Variants in LSR observed in about 807,000 individuals in gnomAD.
LSR encodes the protein lipolysis-stimulated lipoprotein receptor.
Under a neutral mutation model 61.8 loss-of-function variants are expected in LSR, and 44 were observed. The ratio of observed to expected loss-of-function variants is 0.71; its 90% confidence interval spans 0.56 to 0.91. LSR has a LOEUF of 0.91. Among genes scored for constraint, LSR ranks in the 40% least tolerant of loss-of-function variants. The pLI, the probability that LSR is intolerant of heterozygous loss-of-function variation, is 0.00. For missense variants in LSR, 911 were observed against 830.5 expected (o/e 1.10, Z -1.19); for synonymous variants, 397 against 350.6 (o/e 1.13, Z -1.48).
In LSR at chr19:35,266,492, C is replaced by A; in HGVS notation, c.912C>A (p.Tyr304Ter). Residue 304 changes from tyrosine (Y) to a stop codon, truncating the protein, a stop_gained, in exon 6 of 10, where the codon TAC becomes TAA. Transcript: ENST00000605618. LOFTEE classifies it high-confidence loss of function. The stretch of plus-strand genomic sequence containing the variant: ...CCATGGGCCCTGCCTACAACGGGTA[C>A]CCTGGAGGATACCCTGGAGACGTTG... ...MIPMGPAYNG[Y>*]PGGYPGDVDR... The A allele has an allele frequency of 6.2e-7, 1 of 1,611,484 alleles. No homozygotes were observed. Among genetic ancestry groups the A allele is most frequent in the Non-Finnish European group, 8.5e-7 (1 of 1,178,506 alleles).
chr19:35,262,577 T>G lies in LSR; in HGVS notation c.663T>G (p.Ala221=), dbSNP rs933842298. 4 of 1,614,242 alleles carry G rather than the reference T, an allele frequency of 2.5e-6. No homozygotes were observed. The highest frequency in any genetic ancestry group is 3.3e-5 in the Admixed American group (2 of 60,032). The change falls in exon 5 of 10, where the codon GCT becomes GCG. Residue 221 remains alanine (A), a synonymous_variant. Coordinates refer to ENST00000605618, the MANE Select transcript of LSR (RefSeq NM_205834.4). The part of the protein sequence containing the change: ...DWLFVVVVCL[A]AFLIFLLLGI... ...TCTTCGTGGTTGTGGTATGCCTGGC[T>G]GCCTTCCTCATCTTCCTCCTCCTGG...
intron 5 of LSR, 147 bp downstream of exon 5, chr19:35,262,839 C>T: frequency 1.1e-6 from 1 of 886,802 alleles, no homozygotes. Context: ...TGAGGAGGGT[C>T]TGCTGTTTAG....
At chr19:35,250,795 C>A in intron 2 of LSR, 136 bp downstream of exon 2, 7 of 419,752 alleles carry the variant, frequency 1.7e-5, no homozygotes, top group Non-Finnish European at 2.8e-5. Context: ...GGGAGCAATT[C>A]TTTTTTTTTT....
intron 5 of LSR, 135 bp downstream of exon 5, chr19:35,262,827 G>A (rs2065948249): frequency 1.0e-6 from 1 of 1,002,318 alleles, no homozygotes; most frequent in Non-Finnish European, 1.4e-6. Context: ...GAGAAAGTAG[G>A]CTGAGGAGGG....
At chr19:35,254,108 CTGT>C (rs911756052) in intron 2 of LSR, among the ~76,000 whole-genome samples, 29 of 152,268 alleles carry the variant, frequency 1.9e-4, no homozygotes, top group African/African-American at 4.1e-4. Context: ...TGGGGTTTTT[CTGT>C]TGTTGTTGTT....
At position 35,267,680 on chromosome 19, in the gene LSR, G is replaced by A. The variant is rs150280810; in HGVS notation, c.1716G>A (p.Pro572=). 4.7e-5 allele frequency: 75 copies of A among 1,603,992 alleles called. No homozygotes were observed. The highest frequency in any genetic ancestry group is 8.1e-5 in the African/African-American group (6 of 74,276). The change falls in exon 9 of 10, where the codon CCG becomes CCA. Residue 572 remains proline (P), a synonymous_variant. Coordinates refer to ENST00000605618, the MANE Select transcript of LSR (RefSeq NM_205834.4). The part of the protein sequence containing the change: ...EEEEAYYPPA[P]PPYSETDSQA... The stretch of plus-strand genomic sequence containing the variant: ...AAGAGGCCTACTACCCGCCCGCGCC[G>A]CCCCCGTACTCGGAGACCGACTCGC...
intron 5 of LSR, chr19:35,263,111 TC>T (rs2065952199): frequency 6.3e-6 from 1 of 158,070 alleles, no homozygotes; most frequent in Admixed American, 6.3e-5. Context: ...AAAACCCAGT[TC>T]TCTACTAAAA....
At chr19:35,262,855 C>A in intron 5 of LSR, 163 bp downstream of exon 5, 1 of 711,198 alleles carries the variant, frequency 1.4e-6, no homozygotes, top group Non-Finnish European at 2.2e-6. Flanking sequence ...TTTAGATTGT[C>A]GTTTACTTCC....
Position 35,266,888 on chromosome 19 carries a change from G to A in LSR, c.1065G>A (p.Arg355=), listed in dbSNP as rs35205867. 56 of 1,613,270 alleles carry A rather than the reference G, an allele frequency of 3.5e-5. No homozygotes were observed. Among genetic ancestry groups the A allele is most frequent in the Non-Finnish European group, 4.7e-5 (55 of 1,179,748 alleles). Residue 355 remains arginine (R), a synonymous_variant, in exon 8 of 10, where the codon CGG becomes CGA. Transcript: ENST00000605618. ...IQASQQDDSM[R]VLYYMEKELA... is the part of the protein sequence containing the mutation. ...CCAGCCAGCAGGACGACTCCATGCG[G>A]GTCCTGTACTACATGGAGAAGGAGC...
chr19:35,258,761 T>C (rs2065886714), intron 2 of LSR, among the ~76,000 whole-genome samples, 184 bp from the exon 3 acceptor site: 1 of 152,192 alleles, frequency 6.6e-6, no homozygotes, highest in South Asian at 2.1e-4. Context: ...TCCAGGTGTT[T>C]AGAACGGGGT....
At chr19:35,260,203 G>A (rs2065908970) in intron 3 of LSR, among the ~76,000 whole-genome samples, 1 of 151,976 alleles carries the variant, frequency 6.6e-6, no homozygotes, top group Non-Finnish European at 1.5e-5. Context: ...AAACATTATC[G>A]AGGGTCTCCA....
chr19:35,251,127 C>T (rs2065788479), intron 2 of LSR, among the ~76,000 whole-genome samples: 1 of 152,062 alleles, frequency 6.6e-6, no homozygotes, highest in Non-Finnish European at 1.5e-5. Flanking sequence ...TCTGCTAATC[C>T]TTCCATTCTT....
chr19:35,259,341 AAAAAT>A (rs1188186131), intron 3 of LSR: 1 of 290,952 alleles, frequency 3.4e-6, no homozygotes, highest in Non-Finnish European at 6.5e-6. Flanking sequence ...CATTTTTAAA[AAAAAT>A]CCAGACTTGG....
chr19:35,262,468 G>C (rs1016643859), intron 4 of LSR, 78 bp from the exon 5 acceptor site: 35 of 1,530,114 alleles, frequency 2.3e-5, no homozygotes, highest in Non-Finnish European at 3.2e-5. Context: ...TGCTGGCTCC[G>C]CACCATGTAC....
rs1021689747 is a variant in LSR at position 35,261,773 on chromosome 19, G to C, written c.575-152G>C. The C allele has an allele frequency of 1.3e-5, 6 of 460,862 alleles. No homozygotes were observed. The Admixed American group carries it at 1.7e-4, about 13-fold the overall frequency. 28.5% of individuals were successfully genotyped at this position (460,862 alleles called of 1,614,324 possible). On this transcript the variant is annotated intron_variant, in intron 3 of 9. Coordinates refer to ENST00000605618, the MANE Select transcript of LSR (RefSeq NM_205834.4). ...AAGCACCCACATGTGGGCGGGTGGA[G>C]GGTAGGAGCCATGCACTAGGGCTTC... is the stretch of plus-strand genomic sequence containing the variant.
Position 35,250,433 on chromosome 19 carries a change from C to T in LSR, c.228C>T (p.Val76=). ...QMTSTPTQPI[V]IWKYKSFCRD... The stretch of plus-strand genomic sequence containing the variant: ...CCTCGACCCCCACGCAACCCATCGT[C>T]ATCTGGAAGTACAAGTCTTTCTGCC... Residue 76 remains valine, a synonymous_variant, in exon 2 of 10, where the codon GTC becomes GTT. Coordinates refer to ENST00000605618, the MANE Select transcript of LSR (RefSeq NM_205834.4). 2.5e-6 allele frequency: 4 copies of T among 1,614,098 alleles called. No individual in the cohort carries two copies. Among genetic ancestry groups the T allele is most frequent in the African/African-American group, 1.3e-5 (1 of 75,036 alleles).
chr19:35,250,406 G>C lies in LSR; in HGVS notation c.201G>C (p.Met67Ile). ...TGACCCTGCCCTGTACCTACCAGAT[G>C]ACCTCGACCCCCACGCAACCCATCG... ...QPVTLPCTYQ[M>I]TSTPTQPIVI... Residue 67 changes from methionine (M) to isoleucine (I), a missense_variant, in exon 2 of 10, where the codon ATG (methionine) becomes ATC (isoleucine). Physicochemically the swap from Met to Ile is conservative, Grantham distance 10. Transcript: ENST00000605618. 1.9e-6 allele frequency: 3 copies of C among 1,613,620 alleles called. No individual in the cohort carries two copies. Among genetic ancestry groups the C allele is most frequent in the Non-Finnish European group, 2.5e-6 (3 of 1,179,790 alleles).
rs769974949 is a variant in LSR, at chr19:35,266,783, G to A, written c.1012+45G>A. 4.4e-6 allele frequency: 7 copies of A among 1,608,930 alleles called. No homozygotes were observed. In the Admixed American group the frequency reaches 5.1e-5, roughly 12 times the overall value. On this transcript the variant is annotated intron_variant, in intron 7 of 9. Transcript: ENST00000605618. ...AAGTTGGATGTGCCTGTAAGGGAGAGGGGTGGGCCAGGATCCATCCTCCCA... is the reference window on the plus strand; with the variant it reads ...AAGTTGGATGTGCCTGTAAGGGAGAAGGGTGGGCCAGGATCCATCCTCCCA...
chr19:35,259,984 A>G lies in LSR; in HGVS notation c.574+920A>G, dbSNP rs145498484. On this transcript the variant is annotated intron_variant, in intron 3 of 9. Coordinates refer to ENST00000605618, the MANE Select transcript of LSR (RefSeq NM_205834.4). ...GAGTCTTGTATGACATGTGCTCTGC[A>G]TGAGTGATGCCGCTGGGCTGTACAC... is the stretch of plus-strand genomic sequence containing the variant. Among the ~76,000 whole-genome samples the G allele has an allele frequency of 1.9e-3, 285 of 152,304 alleles. 1 individual carries two copies. Among genetic ancestry groups the G allele is most frequent in the Middle Eastern group, 6.8e-3 (2 of 294 alleles).
Sources: gnomAD v4.1 joint callset for allele counts (sites outside exome capture counted in the v4.1 genomes callset) on GRCh38, gnomAD v4.1.1 for gene constraint, MANE v1.5 for transcripts, NCBI Gene and HGNC (gene_info 2026-07-23, HGNC 2026-07-21) for gene names.